Variants in RFX4 observed in about 807,000 individuals in gnomAD.
The protein encoded by RFX4 is transcription factor RFX4.
Under a neutral mutation model 95.0 loss-of-function variants are expected in RFX4, and 10 were observed. That is an observed-to-expected ratio of 0.11 (90% confidence interval 0.06 to 0.18). The LOEUF is 0.18. Ranked by LOEUF, RFX4 falls within the 10% of genes least tolerant of loss-of-function variation. The probability of loss-of-function intolerance (pLI) is 1.00; values close to 1 mark genes in which losing one functional copy is unlikely to be tolerated. For synonymous variants in RFX4, 321 were observed against 340.7 expected (o/e 0.94, Z 0.64); for missense variants, 640 against 922.0 (o/e 0.69, Z 3.96).
At chr12:106,591,303 T>C (rs572924808) in intron 1 of RFX4, among the ~76,000 whole-genome samples, 12 of 138,022 alleles carry the variant, frequency 8.7e-5, no homozygotes, top group African/African-American at 3.0e-4. Context: ...AGTCTTGCAC[T>C]GTCACCCGGG....
At chr12:106,601,273 C>T (rs1440600567) in intron 1 of RFX4, 1 of 1,588,074 alleles carries the variant, frequency 6.3e-7, no homozygotes, top group Non-Finnish European at 8.6e-7. Context: ...GGGGCTGAGA[C>T]AGAATGATCA....
chr12:106,736,882 C>T (rs1481812193), intron 15 of RFX4, among the ~76,000 whole-genome samples: 1 of 152,094 alleles, frequency 6.6e-6, no homozygotes, highest in Admixed American at 6.6e-5. Context: ...CACTAAGTCT[C>T]GTTTTCATGA....
At chr12:106,649,429 T>C (rs2040818282) in intron 3 of RFX4, among the ~76,000 whole-genome samples, 1 of 152,202 alleles carries the variant, frequency 6.6e-6, no homozygotes, top group Non-Finnish European at 1.5e-5. Context: ...CCTAGTTACT[T>C]TGAGGCTCAG....
chr12:106,679,250 G>C (rs560338159), intron 4 of RFX4, among the ~76,000 whole-genome samples: 2 of 152,300 alleles, frequency 1.3e-5, no homozygotes, highest in East Asian at 3.9e-4. Flanking sequence ...TTGAGGTCAG[G>C]AGTTCGAGAC....
chr12:106,684,089 A>G (rs2137407783), intron 5 of RFX4, among the ~76,000 whole-genome samples: 1 of 152,304 alleles, frequency 6.6e-6, no homozygotes, highest in South Asian at 2.1e-4. Context: ...GGGGTGGGCC[A>G]GGTGCAGTGG....
intron 15 of RFX4, among the ~76,000 whole-genome samples, chr12:106,739,016 T>A (rs1428638469): frequency 6.9e-6 from 1 of 145,420 alleles, no homozygotes; most frequent in Admixed American, 7.0e-5. Flanking sequence ...AATTTTTATT[T>A]CTATTTTAAA....
At chr12:106,707,566 G>A (rs917373039) in intron 8 of RFX4, among the ~76,000 whole-genome samples, 6 of 152,070 alleles carry the variant, frequency 3.9e-5, no homozygotes, top group Non-Finnish European at 8.8e-5. Context: ...TGACAGAATC[G>A]AATGCTGCCA....
chr12:106,598,373 T>C (rs2039650211), intron 1 of RFX4, among the ~76,000 whole-genome samples: 1 of 152,088 alleles, frequency 6.6e-6, no homozygotes, highest in South Asian at 2.1e-4. Context: ...TGCATAATAA[T>C]AGAACATTAA....
At chr12:106,729,392 TAATA>T (rs1333566448) in intron 13 of RFX4, among the ~76,000 whole-genome samples, 1 of 152,222 alleles carries the variant, frequency 6.6e-6, no homozygotes, top group African/African-American at 2.4e-5. Flanking sequence ...TTAGCAATAA[TAATA>T]ATAGCTACCA....
chr12:106,668,456 A>G (rs990032168), intron 4 of RFX4, among the ~76,000 whole-genome samples: 2 of 152,120 alleles, frequency 1.3e-5, no homozygotes, highest in African/African-American at 4.8e-5. Flanking sequence ...GCCAGGTGCA[A>G]TGGTGCAGGC....
intron 15 of RFX4, among the ~76,000 whole-genome samples, chr12:106,737,456 G>T (rs921349004): frequency 2.0e-5 from 3 of 152,020 alleles, no homozygotes; most frequent in African/African-American, 7.2e-5. Flanking sequence ...GTTGGAAGAA[G>T]GGTCAGAGTA....
chr12:106,680,701 G>C (rs2041488446), intron 4 of RFX4: 1 of 152,196 alleles, frequency 6.6e-6, no homozygotes, highest in Admixed American at 6.5e-5. Flanking sequence ...GGAGGGAAGG[G>C]AGTCTTGGTT....
chr12:106,710,622 C>A (rs2137497600), intron 9 of RFX4, among the ~76,000 whole-genome samples: 1 of 152,276 alleles, frequency 6.6e-6, no homozygotes, highest in South Asian at 2.1e-4. Context: ...TTTAATTATG[C>A]CGACAAAACA....
chr12:106,738,433 T>C (rs1388368214), intron 15 of RFX4, among the ~76,000 whole-genome samples: 1 of 152,196 alleles, frequency 6.6e-6, no homozygotes, highest in Non-Finnish European at 1.5e-5. Flanking sequence ...CTGGCTTTCT[T>C]TGAAGCAATG....
At chr12:106,590,371 C>CTATTAAGAAGAAACTGTAAT (rs1206177703) in intron 1 of RFX4, among the ~76,000 whole-genome samples, 6 of 152,174 alleles carry the variant, frequency 3.9e-5, no homozygotes, top group Non-Finnish European at 5.9e-5. Flanking sequence ...CACAACAATC[C>CTATTAAGAAGAAACTGTAAT]TATTAAGAAG....
intron 1 of RFX4, among the ~76,000 whole-genome samples, chr12:106,599,700 A>T (rs1048855434): frequency 2.0e-5 from 3 of 151,784 alleles, no homozygotes; most frequent in Non-Finnish European, 2.9e-5. Context: ...TCTCCACTAC[A>T]TTCTTTTTTT....
intron 10 of RFX4, among the ~76,000 whole-genome samples, chr12:106,713,700 A>G (rs1565991369): frequency 6.6e-6 from 1 of 152,162 alleles, no homozygotes; most frequent in Non-Finnish European, 1.5e-5. Flanking sequence ...TATCTCAAGG[A>G]ATCCTCAACA....
Position 106,761,910 on chromosome 12 carries a change from C to T in RFX4, c.*441C>T, listed in dbSNP as rs1192868346. On this transcript the variant is annotated 3_prime_UTR_variant, in exon 18 of 18. Coordinates refer to ENST00000392842, the MANE Select transcript of RFX4 (RefSeq NM_213594.3). ...GGGCACATAATTTACCAAGAGCATT[C>T]ACCTTGCCATCTGTCTTGTCATTGT... 6.5e-6 allele frequency: 1 copy of T among 153,394 alleles called. No individual in the cohort carries two copies. Among genetic ancestry groups the T allele is most frequent in the Non-Finnish European group, 1.5e-5 (1 of 68,694 alleles). The allele number at this position is 153,394 out of a possible 1,614,324, so 9.5% of individuals were successfully genotyped here.
chr12:106,668,814 G>A (rs1348065819), intron 4 of RFX4, among the ~76,000 whole-genome samples: 7 of 152,114 alleles, frequency 4.6e-5, no homozygotes, highest in Non-Finnish European at 8.8e-5. Flanking sequence ...AACATGGGTG[G>A]TACAATGTGA....
Sources: gnomAD v4.1 joint callset for allele counts (sites outside exome capture counted in the v4.1 genomes callset) on GRCh38, gnomAD v4.1.1 for gene constraint, MANE v1.5 for transcripts, NCBI Gene and HGNC (gene_info 2026-07-23, HGNC 2026-07-21) for gene names.